XPR1: variants seen among roughly 807,000 people sequenced by gnomAD.
XPR1 encodes solute carrier family 53 member 1.
A neutral mutation model predicts 87.5 loss-of-function variants in XPR1; 28 were observed. The ratio of observed to expected loss-of-function variants is 0.32; its 90% CI spans 0.24 to 0.44. The LOEUF is 0.44. Among genes scored for constraint, XPR1 ranks in the 20% least tolerant of loss-of-function variants. The pLI is 1.00. For missense variants in XPR1, 559 were observed against 862.3 expected, an observed-to-expected ratio of 0.65 and a Z score of 4.41; for synonymous variants, 300 against 306.1, an observed-to-expected ratio of 0.98 and a Z score of 0.21.
chr1:180,790,742 C>G (rs113602746), intron 3 of XPR1, among the ~76,000 whole-genome samples: 1 of 151,982 alleles, frequency 6.6e-6, no homozygotes, highest in Non-Finnish European at 1.5e-5. Flanking sequence ...GGGGTTTCAC[C>G]GTGTTAACCA....
chr1:180,825,071 TCTTA>T, intron 8 of XPR1, 90 bp from the exon 9 acceptor site: 2 of 1,504,460 alleles, frequency 1.3e-6, no homozygotes, highest in South Asian at 1.4e-5. Flanking sequence ...TAATCATGTT[TCTTA>T]CTTTTGTTTT....
chr1:180,667,136 A>G (rs1182182710), intron 1 of XPR1, among the ~76,000 whole-genome samples: 1 of 152,204 alleles, frequency 6.6e-6, no homozygotes, highest in Admixed American at 6.5e-5. Flanking sequence ...CCTGGTCTCA[A>G]ACTCCTGAAC....
At chr1:180,787,896 A>ATAT (rs773992391) in intron 3 of XPR1, 42 bp downstream of exon 3, 1 of 1,399,690 alleles carries the variant, frequency 7.1e-7, no homozygotes, top group Admixed American at 1.8e-5. Flanking sequence ...CCGGGGAAGG[A>ATAT]TAAATTGTAC....
At chr1:180,875,623 C>A (rs571725988) in intron 13 of XPR1, among the ~76,000 whole-genome samples, 2 of 150,998 alleles carry the variant, frequency 1.3e-5, no homozygotes, top group East Asian at 3.9e-4. Context: ...TGTAACTTTA[C>A]ATGTATATAT....
In XPR1 at chr1:180,654,515, A is replaced by G. The variant is rs188591631; in HGVS notation, c.69+22245A>G. 3.3e-3 allele frequency among the ~76,000 whole-genome samples: 503 copies of G among 152,074 alleles called. 2 individuals carry two copies. Among genetic ancestry groups the G allele is most frequent in the African/African-American group, 0.011 (437 of 41,502 alleles). ...GCAACCGTCTCTACCATCCATCTCAATTCTTTTCATCTTGTAAAACCTAAA... is the reference window on the plus strand; with the variant it reads ...GCAACCGTCTCTACCATCCATCTCAGTTCTTTTCATCTTGTAAAACCTAAA... On this transcript the variant is annotated intron_variant, in intron 1 of 14. Coordinates refer to ENST00000367590, the MANE Select transcript of XPR1 (RefSeq NM_004736.4).
chr1:180,704,811 G>GTTT (rs1182063865), intron 2 of XPR1, among the ~76,000 whole-genome samples: 4 of 63,602 alleles, frequency 6.3e-5, no homozygotes, highest in African/African-American at 1.9e-4. Context: ...GGGACTGTTG[G>GTTT]TTGTTTTTTT....
intron 2 of XPR1, among the ~76,000 whole-genome samples, chr1:180,704,245 G>GATATATATATAT (rs35751561): frequency 0.13 from 8,710 of 65,394 alleles, 1,131 homozygotes; most frequent in Middle Eastern, 0.16. Context: ...ATAGGTGCTG[G>GATATATATATAT]ATATATATAT....
At chr1:180,812,967 A>G (rs887531139) in intron 7 of XPR1, among the ~76,000 whole-genome samples, 4 of 151,408 alleles carry the variant, frequency 2.6e-5, no homozygotes, top group African/African-American at 9.7e-5. Context: ...TTTCTTGTTT[A>G]GTGTATAGCA....
At chr1:180,639,738 C>CT (rs1364312306) in intron 1 of XPR1, among the ~76,000 whole-genome samples, 5 of 152,076 alleles carry the variant, frequency 3.3e-5, no homozygotes, top group Admixed American at 6.5e-5. Flanking sequence ...ACTTGAAACT[C>CT]TTAACAGTTA....
At chr1:180,705,482 A>G (rs1460025477) in intron 2 of XPR1, among the ~76,000 whole-genome samples, 2 of 152,228 alleles carry the variant, frequency 1.3e-5, no homozygotes, top group African/African-American at 2.4e-5. Flanking sequence ...ATACATTTCA[A>G]ATTTTCTCTT....
At position 180,834,856 on chromosome 1, in the gene XPR1, A is replaced by AT. The variant is rs113553362; in HGVS notation, c.1135-8dup. The stretch of plus-strand genomic sequence containing the variant: ...ACTTTTCTTGTTTCTGTGTTTTCTG[A>AT]TTTTTTTTTTCTTTCAGTTTCGAGT... On this transcript the variant is annotated splice_polypyrimidine_tract_variant and intron_variant, in intron 9 of 14. Coordinates refer to ENST00000367590, the MANE Select transcript of XPR1 (RefSeq NM_004736.4). 14,533 of 1,454,098 alleles carry AT rather than the reference A, an allele frequency of 1.0e-2. 652 individuals are homozygous for AT. In the African/African-American group the frequency reaches 0.15, roughly 15 times the overall value. 90.1% of individuals were successfully genotyped at this position (1,454,098 alleles called of 1,614,324 possible). A position where few individuals can be genotyped will look rare whatever the true frequency, so the allele number is the denominator to read the frequency against.
chr1:180,754,132 G>C (rs1406538770), intron 2 of XPR1, among the ~76,000 whole-genome samples: 1 of 152,070 alleles, frequency 6.6e-6, no homozygotes. Context: ...ATGACTATTT[G>C]AAAGTGTCTC....
chr1:180,664,339 C>T (rs1655888411), intron 1 of XPR1, among the ~76,000 whole-genome samples: 1 of 152,148 alleles, frequency 6.6e-6, no homozygotes. Flanking sequence ...CCCAAGGGTT[C>T]TGTGTTCAGC....
chr1:180,666,771 C>G (rs930303364), intron 1 of XPR1, among the ~76,000 whole-genome samples: 1 of 152,174 alleles, frequency 6.6e-6, no homozygotes, highest in African/African-American at 2.4e-5. Flanking sequence ...TTAGCATATG[C>G]AAATACAGAT....
At chr1:180,849,504 A>G (rs1651797019) in intron 11 of XPR1, among the ~76,000 whole-genome samples, 1 of 152,180 alleles carries the variant, frequency 6.6e-6, no homozygotes, top group Admixed American at 6.6e-5. Context: ...CAAAATTTGC[A>G]TTTTTACCAT....
At chr1:180,651,242 C>T (rs544424299) in intron 1 of XPR1, among the ~76,000 whole-genome samples, 24 of 152,204 alleles carry the variant, frequency 1.6e-4, no homozygotes, top group Admixed American at 1.4e-3. Flanking sequence ...CGGGTGCCCG[C>T]TACCACACCC....
chr1:180,874,115 G>T, intron 13 of XPR1, 173 bp downstream of exon 13: 1 of 791,010 alleles, frequency 1.3e-6, no homozygotes, highest in Non-Finnish European at 1.9e-6. Context: ...GGCTGATCTC[G>T]AACTCTTGAC....
chr1:180,804,058 T>C (rs891505982), intron 4 of XPR1, among the ~76,000 whole-genome samples: 1 of 151,968 alleles, frequency 6.6e-6, no homozygotes, highest in Non-Finnish European at 1.5e-5. Context: ...CGATCTCGGC[T>C]CACTGCAACC....
intron 1 of XPR1, among the ~76,000 whole-genome samples, chr1:180,663,507 C>T (rs1044919947): frequency 3.9e-5 from 6 of 152,192 alleles, no homozygotes; most frequent in African/African-American, 1.4e-4. Context: ...GTTTATCTTT[C>T]TGTGCTGAGG....
Sources: gnomAD v4.1 joint callset for allele counts (sites outside exome capture counted in the v4.1 genomes callset) on GRCh38, gnomAD v4.1.1 for gene constraint, MANE v1.5 for transcripts, NCBI Gene and HGNC (gene_info 2026-07-23, HGNC 2026-07-21) for gene names.